SNX2: variants seen among roughly 807,000 people sequenced by gnomAD.
SNX2 encodes the protein sorting nexin-2.
A neutral mutation model predicts 69.9 loss-of-function variants in SNX2; 25 were observed. The ratio of observed to expected loss-of-function variants is 0.36; its 90% CI spans 0.26 to 0.50. The LOEUF (loss-of-function observed/expected upper bound fraction) is 0.50, where lower values mean the gene tolerates loss of function less well. Among genes scored for constraint, SNX2 ranks in the 20% least tolerant of loss-of-function variants. The probability of loss-of-function intolerance (pLI) is 0.97; values close to 1 mark genes in which losing one functional copy is unlikely to be tolerated. For missense variants in SNX2, 551 were observed against 613.3 expected (o/e 0.90, Z 1.07); for synonymous variants, 229 against 200.4 (o/e 1.14, Z -1.20).
At position 122,822,469 on chromosome 5, in the gene SNX2, A is replaced by T. The variant is rs76776391; in HGVS notation, c.1212+3446A>T. ...TATCTATTTCGAATAGGTGCTTAAT[A>T]TTAATTAACCTTTGGTTTTATCCAT... On this transcript the variant is annotated intron_variant, in intron 11 of 14. Transcript: ENST00000379516. Among the ~76,000 whole-genome samples, 1,012 of 152,316 alleles carry T rather than the reference A, an allele frequency of 6.6e-3. 8 individuals carry two copies. The highest frequency in any genetic ancestry group is 0.06 in the East Asian group (310 of 5,188).
chr5:122,819,938 G>A (rs1753982511), intron 11 of SNX2, among the ~76,000 whole-genome samples: 1 of 151,980 alleles, frequency 6.6e-6, no homozygotes, highest in Non-Finnish European at 1.5e-5. Flanking sequence ...ACTTCAGAAT[G>A]GTGCTTTCTT....
At chr5:122,819,597 A>G (rs1396118213) in intron 11 of SNX2, among the ~76,000 whole-genome samples, 2 of 152,358 alleles carry the variant, frequency 1.3e-5, no homozygotes, top group East Asian at 1.9e-4. Flanking sequence ...TAATCCAGTT[A>G]GTAAAAATTA....
chr5:122,829,709 A>C lies in SNX2; in HGVS notation c.*61A>C. 7.2e-7 allele frequency: 1 copy of C among 1,387,504 alleles called. No homozygotes were observed. Among genetic ancestry groups the C allele is most frequent in the Non-Finnish European group, 1.0e-6 (1 of 975,312 alleles). The allele number at this position is 1,387,504 out of a possible 1,614,324, so 85.9% of individuals were successfully genotyped here. A position where few individuals can be genotyped will look rare whatever the true frequency, so the allele number is the denominator to read the frequency against. On this transcript the variant is annotated 3_prime_UTR_variant, in exon 15 of 15. Coordinates refer to ENST00000379516, the MANE Select transcript of SNX2 (RefSeq NM_003100.4). ...TTGTTCCAGTTATGCTGGATTCCAC[A>C]GTGAAATCATTTAAAACCATCTAAA...
intron 11 of SNX2, among the ~76,000 whole-genome samples, chr5:122,823,156 C>T (rs891449315): frequency 4.5e-5 from 6 of 134,006 alleles, no homozygotes; most frequent in Non-Finnish European, 9.7e-5. Context: ...TCCGTGTAAA[C>T]TTATCCCTCT....
chr5:122,782,427 CAA>C (rs1752998567), intron 1 of SNX2, among the ~76,000 whole-genome samples: 1 of 150,952 alleles, frequency 6.6e-6, no homozygotes, highest in South Asian at 2.1e-4. Flanking sequence ...TTAGTAGAGA[CAA>C]GGTTTCACCA....
chr5:122,787,006 T>G (rs1345811631), intron 1 of SNX2, among the ~76,000 whole-genome samples: 3 of 152,222 alleles, frequency 2.0e-5, no homozygotes, highest in Non-Finnish European at 2.9e-5. Context: ...TCTACTCAGT[T>G]GTATATCTTG....
chr5:122,775,397 C>T (rs1752833295), intron 1 of SNX2, 186 bp downstream of exon 1: 2 of 1,287,574 alleles, frequency 1.6e-6, no homozygotes, highest in East Asian at 3.2e-5. Context: ...AGGGCCTCCT[C>T]AGGAGAGCAG....
intron 11 of SNX2, among the ~76,000 whole-genome samples, chr5:122,823,779 C>CGTGTGTGT (rs10559762): frequency 1.6e-4 from 24 of 145,932 alleles, no homozygotes; most frequent in Admixed American, 2.7e-4. Context: ...AACATGTGGT[C>CGTGTGTGT]GTGTGTGTGT....
At position 122,831,632 on chromosome 5, in the gene SNX2, C is replaced by T. The variant is rs1754292864; in HGVS notation, c.*1984C>T. On this transcript the variant is annotated 3_prime_UTR_variant, in exon 15 of 15. Transcript: ENST00000379516. ...ACGAATAATTCATAGTAATATATAT[C>T]AGATGCTATCTTGTTGCTCCATTAA... Among the ~76,000 whole-genome samples the T allele has an allele frequency of 6.6e-6, 1 of 152,146 alleles. No homozygotes were observed. The highest frequency in any genetic ancestry group is 1.5e-5 in the Non-Finnish European group (1 of 68,030).
At chr5:122,797,183 C>G (rs1228298411) in intron 2 of SNX2, among the ~76,000 whole-genome samples, 1 of 152,214 alleles carries the variant, frequency 6.6e-6, no homozygotes, top group African/African-American at 2.4e-5. Context: ...CCACCTGGGT[C>G]TCCCAAAGTA....
rs1424152980 is a variant in SNX2, at chr5:122,833,423, A to G, written c.*3775A>G. ...TTCTACAGCCAAATGTTAAAAAGTAAAAAACAATTTTAATAATCCAGTAGC... is the reference window on the plus strand; with the variant it reads ...TTCTACAGCCAAATGTTAAAAAGTAGAAAACAATTTTAATAATCCAGTAGC... On this transcript the variant is annotated 3_prime_UTR_variant, in exon 15 of 15. Coordinates refer to ENST00000379516, the MANE Select transcript of SNX2 (RefSeq NM_003100.4). The G allele has an allele frequency of 6.6e-6, 1 of 151,928 alleles. No individual in the cohort carries two copies. Among genetic ancestry groups the G allele is most frequent in the Non-Finnish European group, 1.5e-5 (1 of 67,774 alleles). The allele number at this position is 151,928 out of a possible 1,614,324, so 9.4% of individuals were successfully genotyped here. A position where few individuals can be genotyped will look rare whatever the true frequency, so the allele number is the denominator to read the frequency against.
At chr5:122,777,706 T>C (rs1752885008) in intron 1 of SNX2, among the ~76,000 whole-genome samples, 1 of 152,212 alleles carries the variant, frequency 6.6e-6, no homozygotes, top group African/African-American at 2.4e-5. Flanking sequence ...TTTTATTATT[T>C]TTAATTGACA....
In SNX2 at chr5:122,780,574, T is replaced by C. The variant is rs930271597; in HGVS notation, c.108+5363T>C. On this transcript the variant is annotated intron_variant, in intron 1 of 14. Coordinates refer to ENST00000379516, the MANE Select transcript of SNX2 (RefSeq NM_003100.4). ...ATAACTTGTTTTCTTTTCTTTTCTTTTCTTTTTTTTTTTTTGAGACAGAGT... is the reference window on the plus strand; with the variant it reads ...ATAACTTGTTTTCTTTTCTTTTCTTCTCTTTTTTTTTTTTTGAGACAGAGT... 5.3e-5 allele frequency among the ~76,000 whole-genome samples: 7 copies of C among 131,694 alleles called. 1 individual carries two copies. Among genetic ancestry groups the C allele is most frequent in the Admixed American group, 4.9e-4 (7 of 14,154 alleles). 86.4% of individuals were successfully genotyped at this position (131,694 alleles called of 152,430 possible). A position where few individuals can be genotyped will look rare whatever the true frequency, so the allele number is the denominator to read the frequency against.
chr5:122,806,142 G>GCGCGCGCACACACACACACACACACA, intron 6 of SNX2, among the ~76,000 whole-genome samples: 18 of 130,648 alleles, frequency 1.4e-4, no homozygotes, highest in Admixed American at 2.3e-4. Flanking sequence ...ACACGCGCGC[G>GCGCGCGCACACACACACACACACACA]CACACACACA....
chr5:122,806,655 T>G (rs1753665626), intron 6 of SNX2, among the ~76,000 whole-genome samples: 1 of 152,152 alleles, frequency 6.6e-6, no homozygotes, highest in South Asian at 2.1e-4. Flanking sequence ...CCCTTAACAA[T>G]TAACCTCTAA....
intron 7 of SNX2, among the ~76,000 whole-genome samples, chr5:122,810,641 GTACT>G (rs1351606622): frequency 1.3e-5 from 2 of 152,098 alleles, no homozygotes; most frequent in Admixed American, 6.6e-5. Flanking sequence ...GCATTGCATA[GTACT>G]TACCATACCT....
At chr5:122,787,781 G>T (rs1753126376) in intron 1 of SNX2, among the ~76,000 whole-genome samples, 1 of 152,020 alleles carries the variant, frequency 6.6e-6, no homozygotes, top group African/African-American at 2.4e-5. Context: ...TTCTTTCCTT[G>T]TTTCTGGTGT....
chr5:122,812,469 A>G lies in SNX2; in HGVS notation c.723-3427A>G, dbSNP rs369709709. On this transcript the variant is annotated intron_variant, in intron 7 of 14. Coordinates refer to ENST00000379516, the MANE Select transcript of SNX2 (RefSeq NM_003100.4). ...CATAGCTAACTCATTTCCTTGTTCA[A>G]GTTCGTATGTTCAAATAACATCTTT... Among the ~76,000 whole-genome samples, 21 of 152,262 alleles carry G rather than the reference A, an allele frequency of 1.4e-4. 3 individuals carry two copies. Among genetic ancestry groups the G allele is most frequent in the East Asian group, 3.9e-4 (2 of 5,182 alleles).
intron 2 of SNX2, among the ~76,000 whole-genome samples, chr5:122,797,711 C>T (rs1282043943): frequency 6.6e-6 from 1 of 152,148 alleles, no homozygotes; most frequent in African/African-American, 2.4e-5. Flanking sequence ...ATAATCAGTT[C>T]ATACATGTCT....
Sources: allele counts gnomAD v4.1 joint callset (sites outside exome capture counted in the v4.1 genomes callset), GRCh38; gene constraint gnomAD v4.1.1; transcripts MANE v1.5; gene names NCBI Gene and HGNC (gene_info 2026-07-23, HGNC 2026-07-21).